The following MEGF9 variants were observed in gnomAD, a reference collection of about 807,000 sequenced individuals.
The protein encoded by MEGF9 is multiple EGF like domains 9.
Under a neutral mutation model 46.8 loss-of-function variants are expected in MEGF9, and 6 were observed. That is an observed-to-expected ratio of 0.13 (90% CI 0.07 to 0.25). The LOEUF is 0.25. MEGF9 is among the 10% of genes least tolerant of loss of function. The pLI, the probability that MEGF9 is intolerant of heterozygous loss-of-function variation, is 1.00. For synonymous variants in MEGF9, 302 were observed against 330.7 expected (o/e 0.91, Z 0.94); for missense variants, 683 against 792.4 (o/e 0.86, Z 1.66).
At chr9:120,693,404 C>T (rs931191566) in intron 1 of MEGF9, among the ~76,000 whole-genome samples, 4 of 151,900 alleles carry the variant, frequency 2.6e-5, no homozygotes, top group Non-Finnish European at 4.4e-5. Flanking sequence ...GGCTTTAGTC[C>T]CTGAAGACCA....
At chr9:120,701,952 C>A (rs143105043) in intron 1 of MEGF9, among the ~76,000 whole-genome samples, 6,443 of 151,490 alleles carry the variant, frequency 0.043, 454 homozygotes, top group African/African-American at 0.15. Flanking sequence ...CTGAGGCAGG[C>A]GAATAGCGTG....
intron 1 of MEGF9, among the ~76,000 whole-genome samples, chr9:120,701,131 A>G (rs2043903069): frequency 1.3e-5 from 2 of 151,700 alleles, no homozygotes; most frequent in Non-Finnish European, 2.9e-5. Context: ...AAAAAAGAAA[A>G]AAAAAAAACA....
At chr9:120,647,022 A>G (rs1472566193) in intron 2 of MEGF9, among the ~76,000 whole-genome samples, 5 of 152,220 alleles carry the variant, frequency 3.3e-5, no homozygotes, top group African/African-American at 1.2e-4. Context: ...CTAACTTAAT[A>G]AAATGAAATA....
chr9:120,668,607 T>G (rs568210160), intron 1 of MEGF9, among the ~76,000 whole-genome samples: 2 of 152,228 alleles, frequency 1.3e-5, no homozygotes, highest in Non-Finnish European at 2.9e-5. Flanking sequence ...AATTCAGAGA[T>G]AATTCATCTA....
At chr9:120,639,717 G>C (rs2132312640) in intron 2 of MEGF9, among the ~76,000 whole-genome samples, 1 of 152,208 alleles carries the variant, frequency 6.6e-6, no homozygotes, top group South Asian at 2.1e-4. Context: ...AACAGTGCCT[G>C]ACTCAGAGTA....
At chr9:120,686,247 C>A (rs765103994) in intron 1 of MEGF9, among the ~76,000 whole-genome samples, 13 of 152,056 alleles carry the variant, frequency 8.5e-5, no homozygotes, top group Non-Finnish European at 1.9e-4. Context: ...CCCGCCACCA[C>A]GCCTGGATAA....
chr9:120,689,834 T>A, intron 1 of MEGF9: 1 of 445,674 alleles, frequency 2.2e-6, no homozygotes, highest in Admixed American at 2.5e-5. Flanking sequence ...AAAGTCATTA[T>A]GCTCTTCTCT....
intron 1 of MEGF9, among the ~76,000 whole-genome samples, chr9:120,690,538 T>A (rs1215345937): frequency 6.6e-6 from 1 of 152,200 alleles, no homozygotes; most frequent in East Asian, 1.9e-4. Context: ...TCTATCCTTT[T>A]TATTTATTTC....
chr9:120,665,598 C>G (rs372064595), intron 1 of MEGF9, among the ~76,000 whole-genome samples: 27 of 152,252 alleles, frequency 1.8e-4, no homozygotes, highest in Admixed American at 5.2e-4. Flanking sequence ...CCTTATTTTA[C>G]TTAACATAAC....
chr9:120,711,281 C>T (rs1368032617), intron 1 of MEGF9, among the ~76,000 whole-genome samples: 1 of 152,054 alleles, frequency 6.6e-6, no homozygotes, highest in African/African-American at 2.4e-5. Flanking sequence ...TACATTCTTA[C>T]CCTGGAAAAT....
intron 1 of MEGF9, among the ~76,000 whole-genome samples, chr9:120,710,156 C>T (rs1389203715): frequency 2.6e-5 from 4 of 151,868 alleles, no homozygotes; most frequent in Admixed American, 2.6e-4. Flanking sequence ...GGGCCAGGCA[C>T]GGTGGCTTAC....
chr9:120,616,836 C>T (rs1587974387), intron 3 of MEGF9, among the ~76,000 whole-genome samples: 1 of 152,062 alleles, frequency 6.6e-6, no homozygotes, highest in African/African-American at 2.4e-5. Context: ...CTTTGGCTAA[C>T]GATTTAATAT....
At chr9:120,707,914 G>A (rs771339576) in intron 1 of MEGF9, among the ~76,000 whole-genome samples, 2 of 152,132 alleles carry the variant, frequency 1.3e-5, no homozygotes, top group African/African-American at 4.8e-5. Context: ...GTATGGTTGC[G>A]CATGCCTGTA....
At chr9:120,657,854 T>G (rs911761763) in intron 2 of MEGF9, among the ~76,000 whole-genome samples, 6 of 152,334 alleles carry the variant, frequency 3.9e-5, no homozygotes, top group African/African-American at 7.2e-5. Flanking sequence ...ACTTACTATC[T>G]TTGTGACCTA....
intron 1 of MEGF9, among the ~76,000 whole-genome samples, chr9:120,699,724 TAA>T (rs60740438): frequency 6.2e-5 from 7 of 112,400 alleles, no homozygotes; most frequent in Admixed American, 9.5e-5. Context: ...CCGTGTTTCT[TAA>T]AAAAAAAAAA....
At chr9:120,665,445 C>T (rs1003184372) in intron 1 of MEGF9, among the ~76,000 whole-genome samples, 11 of 152,142 alleles carry the variant, frequency 7.2e-5, no homozygotes, top group African/African-American at 1.7e-4. Flanking sequence ...CCTCGTAATC[C>T]GCCTGCCTCA....
At chr9:120,627,220 G>A (rs2043529333) in intron 2 of MEGF9, among the ~76,000 whole-genome samples, 1 of 152,124 alleles carries the variant, frequency 6.6e-6, no homozygotes, top group Non-Finnish European at 1.5e-5. Flanking sequence ...GAAAGGATCT[G>A]CAAAATCCTA....
intron 4 of MEGF9, among the ~76,000 whole-genome samples, chr9:120,610,607 T>A (rs2043440384): frequency 6.6e-6 from 1 of 152,192 alleles, no homozygotes. Flanking sequence ...TTATGTCACA[T>A]CCTCTCTGAA....
chr9:120,625,742 G>A (rs1340440273), intron 2 of MEGF9, among the ~76,000 whole-genome samples: 1 of 149,098 alleles, frequency 6.7e-6, no homozygotes, highest in Non-Finnish European at 1.5e-5. Flanking sequence ...GCTGAGGCAG[G>A]AGAATCGCTT....
Sources: allele counts gnomAD v4.1 joint callset (sites outside exome capture counted in the v4.1 genomes callset), GRCh38; gene constraint gnomAD v4.1.1; transcripts MANE v1.5; gene names NCBI Gene and HGNC (gene_info 2026-07-23, HGNC 2026-07-21).